The following BRINP1 variants were observed in gnomAD, a reference collection of about 807,000 sequenced individuals.
The protein encoded by BRINP1 is BMP/retinoic acid-inducible neural-specific protein 1.
A neutral mutation model predicts 72.9 loss-of-function variants in BRINP1; 17 were observed. The observed-to-expected ratio is 0.23, with a 90% CI of 0.16 to 0.35. The LOEUF is 0.35. Among genes scored for constraint, BRINP1 ranks in the 10% least tolerant of loss-of-function variants. The pLI, the probability that BRINP1 is intolerant of heterozygous loss-of-function variation, is 1.00. For missense variants in BRINP1, 850 were observed against 1,001.6 expected, an observed-to-expected ratio of 0.85 and a Z score of 2.04; for synonymous variants, 418 against 378.5, an observed-to-expected ratio of 1.10 and a Z score of -1.21.
intron 1 of BRINP1, among the ~76,000 whole-genome samples, chr9:119,364,621 G>T (rs141131885): frequency 2.6e-5 from 4 of 152,328 alleles, no homozygotes; most frequent in African/African-American, 9.6e-5. Context: ...AAAGAGCAGA[G>T]ATGACGTAAG....
At position 119,208,925 on chromosome 9, in the gene BRINP1, A is replaced by T; in HGVS notation, c.939T>A (p.Phe313Leu). ...AGTGGTTGCTGGGGAGGCGCTTCAT[A>T]AATGATTTAAACTCATCTAGTGAGA... ...DLENSDEFKS[F>L]MKRLPSNHFL... The change falls in exon 7 of 8, where the codon TTT (phenylalanine) becomes TTA (leucine). Residue 313 changes from phenylalanine to leucine, a missense_variant. Physicochemically the swap from Phe to Leu is conservative, Grantham distance 22. Transcript: ENST00000265922. 2 of 1,614,006 alleles carry T rather than the reference A, an allele frequency of 1.2e-6. No homozygotes were observed. The highest frequency in any genetic ancestry group is 2.2e-5 in the South Asian group (2 of 91,086).
chr9:119,232,774 G>A (rs769517387), intron 5 of BRINP1, among the ~76,000 whole-genome samples: 1 of 151,830 alleles, frequency 6.6e-6, no homozygotes, highest in Non-Finnish European at 1.5e-5. Context: ...CCACATCAGG[G>A]AGCTACTGAG....
chr9:119,222,170 C>T (rs530125672), intron 5 of BRINP1, among the ~76,000 whole-genome samples: 3 of 152,190 alleles, frequency 2.0e-5, no homozygotes, highest in African/African-American at 4.8e-5. Context: ...TAGGGGCCAT[C>T]GGAGGAGCAG....
At chr9:119,308,681 A>G (rs1831024983) in intron 2 of BRINP1, among the ~76,000 whole-genome samples, 4 of 152,226 alleles carry the variant, frequency 2.6e-5, no homozygotes, top group South Asian at 4.1e-4. Flanking sequence ...TAAATATGCA[A>G]TACAGCCAGG....
intron 2 of BRINP1, among the ~76,000 whole-genome samples, chr9:119,279,184 C>A (rs1028223428): frequency 1.3e-5 from 2 of 152,184 alleles, no homozygotes; most frequent in African/African-American, 4.8e-5. Flanking sequence ...GGGGAAAGCT[C>A]AGTGTGAATA....
intron 7 of BRINP1, among the ~76,000 whole-genome samples, chr9:119,202,316 C>T (rs572861580): frequency 6.6e-6 from 1 of 152,228 alleles, no homozygotes; most frequent in East Asian, 1.9e-4. Flanking sequence ...TTGCCATGAA[C>T]CTGAACTTAG....
At chr9:119,356,667 T>C (rs1219595755) in intron 1 of BRINP1, among the ~76,000 whole-genome samples, 1 of 151,906 alleles carries the variant, frequency 6.6e-6, no homozygotes, top group South Asian at 2.1e-4. Context: ...TGGCTGGGCA[T>C]GGTGGTGCGT....
At chr9:119,203,082 C>T (rs1259032634) in intron 7 of BRINP1, among the ~76,000 whole-genome samples, 1 of 152,086 alleles carries the variant, frequency 6.6e-6, no homozygotes, top group Non-Finnish European at 1.5e-5. Context: ...GTCTACTACC[C>T]TCAACCTTGA....
intron 7 of BRINP1, among the ~76,000 whole-genome samples, chr9:119,173,579 C>T (rs112005552): frequency 4.6e-5 from 7 of 151,814 alleles, no homozygotes; most frequent in African/African-American, 9.7e-5. Context: ...AGGTAATTTA[C>T]AGATTCAATG....
chr9:119,275,250 G>A (rs1830645149), intron 2 of BRINP1, among the ~76,000 whole-genome samples: 1 of 152,180 alleles, frequency 6.6e-6, no homozygotes, highest in Admixed American at 6.5e-5. Flanking sequence ...AGGAATCCTT[G>A]TAATCAACCA....
intron 1 of BRINP1, among the ~76,000 whole-genome samples, chr9:119,326,806 G>C (rs1313780351): frequency 1.3e-5 from 2 of 152,128 alleles, no homozygotes; most frequent in African/African-American, 4.8e-5. Flanking sequence ...TGTAATAACA[G>C]AGCAAAGACA....
At chr9:119,219,022 G>A (rs902514842) in intron 5 of BRINP1, among the ~76,000 whole-genome samples, 1 of 152,080 alleles carries the variant, frequency 6.6e-6, no homozygotes, top group Non-Finnish European at 1.5e-5. Flanking sequence ...AAAAGGAAGA[G>A]ATGGGAGAAG....
At chr9:119,350,781 A>G (rs1446671814) in intron 1 of BRINP1, among the ~76,000 whole-genome samples, 2 of 152,152 alleles carry the variant, frequency 1.3e-5, no homozygotes, top group Non-Finnish European at 2.9e-5. Context: ...TCAAAATAAA[A>G]ACTGTAATAC....
At chr9:119,230,456 T>A (rs1182744024) in intron 5 of BRINP1, among the ~76,000 whole-genome samples, 2 of 151,878 alleles carry the variant, frequency 1.3e-5, no homozygotes, top group African/African-American at 4.8e-5. Flanking sequence ...TGTACTGATC[T>A]GGGGAAGGGA....
intron 5 of BRINP1, among the ~76,000 whole-genome samples, chr9:119,231,962 C>T (rs1413092403): frequency 1.3e-5 from 2 of 151,958 alleles, no homozygotes; most frequent in Non-Finnish European, 2.9e-5. Context: ...TCAGTTTTCT[C>T]CTCTTACCTT....
chr9:119,250,807 C>T (rs950334151), intron 2 of BRINP1, among the ~76,000 whole-genome samples: 9 of 152,256 alleles, frequency 5.9e-5, no homozygotes, highest in Middle Eastern at 3.4e-3. Context: ...TACATGCTCT[C>T]GGTCCCTTGA....
At chr9:119,280,719 C>T (rs1025305893) in intron 2 of BRINP1, among the ~76,000 whole-genome samples, 11 of 152,166 alleles carry the variant, frequency 7.2e-5, no homozygotes, top group Admixed American at 4.6e-4. Flanking sequence ...ATGAGACACT[C>T]GGTATACAAA....
At chr9:119,331,151 TAAA>T (rs1831296945) in intron 1 of BRINP1, among the ~76,000 whole-genome samples, 2 of 152,184 alleles carry the variant, frequency 1.3e-5, no homozygotes, top group Non-Finnish European at 2.9e-5. Context: ...TGATTCGACT[TAAA>T]GAAGTAAAAT....
intron 2 of BRINP1, among the ~76,000 whole-genome samples, chr9:119,252,875 A>G (rs1424699726): frequency 6.6e-6 from 1 of 152,214 alleles, no homozygotes; most frequent in Non-Finnish European, 1.5e-5. Flanking sequence ...TGAAACAGCC[A>G]TCACAGTCTT....
Sources: allele counts gnomAD v4.1 joint callset (sites outside exome capture counted in the v4.1 genomes callset), GRCh38; gene constraint gnomAD v4.1.1; transcripts MANE v1.5; gene names NCBI Gene and HGNC (gene_info 2026-07-23, HGNC 2026-07-21).